The following PARD3 variants were observed in gnomAD, a reference collection of about 807,000 sequenced individuals.
PARD3 encodes par-3 family cell polarity regulator.
A neutral mutation model predicts 155.4 loss-of-function variants in PARD3; 75 were observed. The ratio of observed to expected loss-of-function variants is 0.48; its 90% confidence interval spans 0.40 to 0.58. PARD3 has a LOEUF of 0.58. Ranked by LOEUF, PARD3 falls within the 20% of genes least tolerant of loss-of-function variation. PARD3 has a pLI of 0.00. For synonymous variants in PARD3, 576 were observed against 610.5 expected, an observed-to-expected ratio of 0.94 and a Z score of 0.83; for missense variants, 1,642 against 1,721.7, an observed-to-expected ratio of 0.95 and a Z score of 0.82.
At chr10:34,560,474 G>T (rs2085378676) in intron 2 of PARD3, among the ~76,000 whole-genome samples, 1 of 152,068 alleles carries the variant, frequency 6.6e-6, no homozygotes, top group African/African-American at 2.4e-5. Flanking sequence ...AGGACACAAG[G>T]CCAATACAGA....
intron 1 of PARD3, among the ~76,000 whole-genome samples, chr10:34,750,510 C>T (rs1835887417): frequency 7.2e-6 from 1 of 139,660 alleles, no homozygotes; most frequent in Admixed American, 7.2e-5. Flanking sequence ...CACACACACA[C>T]CCTAAGACTA....
chr10:34,235,812 G>A (rs1251774140), intron 22 of PARD3, among the ~76,000 whole-genome samples: 2 of 152,150 alleles, frequency 1.3e-5, no homozygotes, highest in African/African-American at 4.8e-5. Context: ...TGTACTAAAC[G>A]ATTTTGATTT....
At chr10:34,702,768 A>G (rs1350126051) in intron 1 of PARD3, among the ~76,000 whole-genome samples, 1 of 152,230 alleles carries the variant, frequency 6.6e-6, no homozygotes, top group Non-Finnish European at 1.5e-5. Flanking sequence ...GGGACCACCC[A>G]GTGAAGCTCA....
intron 1 of PARD3, among the ~76,000 whole-genome samples, chr10:34,707,959 C>A (rs1317838093): frequency 1.3e-5 from 2 of 152,098 alleles, no homozygotes; most frequent in Admixed American, 1.3e-4. Context: ...CAAAAGAATA[C>A]CCATTTGGGA....
rs143402976 is a variant in PARD3, at chr10:34,661,893, A to C, written c.222+34425T>G. Among the ~76,000 whole-genome samples the C allele has an allele frequency of 6.8e-3, 1,042 of 152,322 alleles. 20 individuals are homozygous for C. The highest frequency in any genetic ancestry group is 0.034 in the Admixed American group (522 of 15,298). ...CAATGTTAGATAAAGGTTCCCAATC[A>C]TGGAGTAGTGCAGCAGTCCAAGAAA... On this transcript the variant is annotated intron_variant, in intron 2 of 24. Transcript: ENST00000374788.
intron 3 of PARD3, among the ~76,000 whole-genome samples, chr10:34,494,505 G>A (rs899481771): frequency 2.6e-5 from 4 of 152,200 alleles, no homozygotes; most frequent in Admixed American, 2.6e-4. Context: ...CTAAACTGGA[G>A]AATGGATCAA....
rs138546943 is a variant in PARD3, at chr10:34,395,095, C to T, written c.890+4235G>A. On this transcript the variant is annotated intron_variant, in intron 7 of 24. Coordinates refer to ENST00000374788, the MANE Select transcript of PARD3 (RefSeq NM_001184785.2). The stretch of plus-strand genomic sequence containing the variant: ...TGTCACCTAGGCTGGAGTGCAGTGG[C>T]GTGATCTTGGCTCACTGCAAACTCT... Among the ~76,000 whole-genome samples, 1,446 of 152,236 alleles carry T rather than the reference C, an allele frequency of 9.5e-3. 18 individuals carry two copies. Among genetic ancestry groups the T allele is most frequent in the African/African-American group, 0.033 (1,372 of 41,538 alleles).
chr10:34,648,983 T>A (rs973914000), intron 2 of PARD3, among the ~76,000 whole-genome samples: 5 of 152,184 alleles, frequency 3.3e-5, no homozygotes, highest in African/African-American at 1.2e-4. Flanking sequence ...GCTGTGGAGC[T>A]ACGTCTGCTA....
chr10:34,422,533 T>C (rs1464740623), intron 5 of PARD3, among the ~76,000 whole-genome samples: 11 of 151,698 alleles, frequency 7.3e-5, no homozygotes, highest in Admixed American at 6.6e-4. Flanking sequence ...ATATATCTGG[T>C]AAGAGATTAA....
chr10:34,502,253 G>A (rs911157058), intron 3 of PARD3, among the ~76,000 whole-genome samples: 2 of 152,164 alleles, frequency 1.3e-5, no homozygotes, highest in Non-Finnish European at 2.9e-5. Flanking sequence ...CTTAAACGTG[G>A]AAGAGAAGGT....
At chr10:34,383,365 A>T (rs1167765028) in intron 8 of PARD3, among the ~76,000 whole-genome samples, 1 of 148,836 alleles carries the variant, frequency 6.7e-6, no homozygotes, top group Non-Finnish European at 1.5e-5. Flanking sequence ...GGATTGGGTT[A>T]GATGTGTATT....
At chr10:34,627,699 C>A (rs2092053269) in intron 2 of PARD3, among the ~76,000 whole-genome samples, 1 of 152,056 alleles carries the variant, frequency 6.6e-6, no homozygotes, top group African/African-American at 2.4e-5. Flanking sequence ...GGGGTGTGAC[C>A]CTGCCAAAGC....
At chr10:34,371,143 T>G (rs1245623128) in intron 12 of PARD3, among the ~76,000 whole-genome samples, 1 of 152,028 alleles carries the variant, frequency 6.6e-6, no homozygotes. Context: ...CCACAATTAT[T>G]GTCTTTTCAA....
chr10:34,377,613 T>C (rs1198099341), intron 10 of PARD3, among the ~76,000 whole-genome samples: 1 of 151,406 alleles, frequency 6.6e-6, no homozygotes. Context: ...AATAAATAAA[T>C]GGAAAGATAA....
chr10:34,797,635 T>C lies in PARD3; in HGVS notation c.120+17241A>G, dbSNP rs533111559. On this transcript the variant is annotated intron_variant, in intron 1 of 24. Coordinates refer to ENST00000374788, the MANE Select transcript of PARD3 (RefSeq NM_001184785.2). Reference sequence around the variant, plus strand: ...TACTCAGAAGCCCTCATCTCTGCTTTACCCAAAACCAAATACCATAGTTGA... The same window carrying C: ...TACTCAGAAGCCCTCATCTCTGCTTCACCCAAAACCAAATACCATAGTTGA... 2.8e-4 allele frequency among the ~76,000 whole-genome samples: 42 copies of C among 152,326 alleles called. 1 individual carries two copies. The highest frequency in any genetic ancestry group is 1.0e-3 in the African/African-American group (42 of 41,566).
intron 22 of PARD3, among the ~76,000 whole-genome samples, chr10:34,211,474 G>C (rs1219943023): frequency 6.6e-6 from 1 of 152,176 alleles, no homozygotes; most frequent in East Asian, 1.9e-4. Context: ...CAGAGGAAGG[G>C]AGCAAAGTTC....
intron 14 of PARD3, among the ~76,000 whole-genome samples, chr10:34,355,944 A>AAAAAAT (rs1838801566): frequency 7.7e-6 from 1 of 130,048 alleles, no homozygotes; most frequent in Non-Finnish European, 1.5e-5. Context: ...AAAAAAAAAA[A>AAAAAAT]AACAAAACAA....
chr10:34,293,333 T>G (rs1956762128), intron 20 of PARD3, among the ~76,000 whole-genome samples: 1 of 152,150 alleles, frequency 6.6e-6, no homozygotes, highest in Non-Finnish European at 1.5e-5. Context: ...TACCTTGGCT[T>G]GATGCACTTT....
At chr10:34,283,235 A>T (rs1036228354) in intron 21 of PARD3, among the ~76,000 whole-genome samples, 3 of 152,148 alleles carry the variant, frequency 2.0e-5, no homozygotes, top group Non-Finnish European at 2.9e-5. Flanking sequence ...ATGCTGGGCT[A>T]CAGTCCTAGC....
Sources: allele counts gnomAD v4.1 joint callset (sites outside exome capture counted in the v4.1 genomes callset), GRCh38; gene constraint gnomAD v4.1.1; transcripts MANE v1.5; gene names NCBI Gene and HGNC (gene_info 2026-07-23, HGNC 2026-07-21).